Variants in TNFRSF14 observed in about 807,000 individuals in gnomAD.
TNFRSF14 encodes the protein tumor necrosis factor receptor superfamily member 14.
In TNFRSF14, 18 loss-of-function variants were observed where a neutral mutation model predicts 34.1. The ratio of observed to expected loss-of-function variants is 0.53; its 90% CI spans 0.36 to 0.78. TNFRSF14 has a LOEUF of 0.78. Among genes scored for constraint, TNFRSF14 ranks in the 30% least tolerant of loss-of-function variants. The pLI is 0.00. For missense variants in TNFRSF14, 352 were observed against 379.5 expected, an observed-to-expected ratio of 0.93 and a Z score of 0.60; for synonymous variants, 157 against 153.2, an observed-to-expected ratio of 1.02 and a Z score of -0.18.
upstream of TNFRSF14, chr1:2,554,759 C>T (rs1190949273): frequency 6.6e-6 from 1 of 152,264 alleles, no homozygotes; most frequent in African/African-American, 2.4e-5. The surrounding 1 kb of genome is among the most constrained non-coding windows in gnomAD (Gnocchi z 4.2). Flanking sequence ...GCCTCAGTTT[C>T]CCTCCTCCCC....
upstream of TNFRSF14, chr1:2,556,369 T>G: frequency 3.1e-6 from 2 of 654,452 alleles, no homozygotes; most frequent in Non-Finnish European, 2.8e-6. Context: ...GGCGCCTCCT[T>G]CATACCGGCC....
Position 2,561,837 on chromosome 1 carries a change from C to G in TNFRSF14, c.694+22C>G, listed in dbSNP as rs373158656. Reference sequence around the variant, plus strand: ...AGGGGTGAGCACACGGCGGCCCCATCAGGGCTCATGTCCCCAGCCGTCACC... The same window carrying G: ...AGGGGTGAGCACACGGCGGCCCCATGAGGGCTCATGTCCCCAGCCGTCACC... On this transcript the variant is annotated intron_variant, in intron 6 of 7. Transcript: ENST00000355716. The surrounding 1 kb of genome is among the most constrained non-coding windows in gnomAD (Gnocchi z 6.0). 2.5e-6 allele frequency: 4 copies of G among 1,609,048 alleles called. No homozygotes were observed. Among genetic ancestry groups the G allele is most frequent in the Non-Finnish European group, 2.5e-6 (3 of 1,177,390 alleles).
intron 6 of TNFRSF14, 178 bp from the exon 7 acceptor site, chr1:2,562,686 GC>G (rs1644328021): frequency 2.5e-6 from 2 of 815,168 alleles, no homozygotes; most frequent in Non-Finnish European, 4.2e-6. Context: ...GACAGGCTGG[GC>G]TAGCAGTCCC....
Position 2,556,874 on chromosome 1 carries a change from CG to C in TNFRSF14, c.69+144del. The C allele has an allele frequency of 6.0e-6, 5 of 827,952 alleles. No individual in the cohort carries two copies. The South Asian group carries it at 9.2e-5, about 15-fold the overall frequency. The allele number at this position is 827,952 out of a possible 1,614,324, so 51.3% of individuals were successfully genotyped here. A position where few individuals can be genotyped will look rare whatever the true frequency, so the allele number is the denominator to read the frequency against. On this transcript the variant is annotated intron_variant, in intron 1 of 7. Coordinates refer to ENST00000355716, the MANE Select transcript of TNFRSF14 (RefSeq NM_003820.4). ...CCCGTCCCCTGCTGCCTGGGGCTCT[CG>C]GGTCAACCCAGACCCCCAGCACTGG... is the stretch of plus-strand genomic sequence containing the variant.
intron 3 of TNFRSF14, chr1:2,559,540 G>A (rs942186646): frequency 2.1e-5 from 31 of 1,510,896 alleles, no homozygotes; most frequent in Admixed American, 4.0e-5. Context: ...CAAGCTCGGC[G>A]TCCTGCCCAT....
At chr1:2,557,905 A>G (rs1644242799) in intron 2 of TNFRSF14, 71 bp downstream of exon 2, 4 of 1,291,852 alleles carry the variant, frequency 3.1e-6, no homozygotes, top group Non-Finnish European at 4.3e-6. Flanking sequence ...TCTGCCCCAG[A>G]CACCCCTGTG....
Position 2,561,847 on chromosome 1 carries a change from G to A in TNFRSF14, c.694+32G>A, listed in dbSNP as rs1286105598. The A allele has an allele frequency of 1.2e-6, 2 of 1,600,342 alleles. No homozygotes were observed. The highest frequency in any genetic ancestry group is 2.7e-5 in the African/African-American group (2 of 74,616). On this transcript the variant is annotated intron_variant, in intron 6 of 7. Coordinates refer to ENST00000355716, the MANE Select transcript of TNFRSF14 (RefSeq NM_003820.4). The surrounding 1 kb of genome is among the most constrained non-coding windows in gnomAD (Gnocchi z 6.0). ...ACACGGCGGCCCCATCAGGGCTCAT[G>A]TCCCCAGCCGTCACCTCTTGGAGCT...
intron 1 of TNFRSF14, 62 bp from the exon 2 acceptor site, chr1:2,557,652 GGCTGTGGGGCCA>G: frequency 8.5e-7 from 1 of 1,183,170 alleles, no homozygotes; most frequent in South Asian, 1.5e-5. Context: ...GGGAGATTCA[GGCTGTGGGGCCA>G]AGCCTGGCAG....
At chr1:2,560,547 A>G (rs1644292583) in intron 4 of TNFRSF14, 77 bp from the exon 5 acceptor site, 2 of 1,114,212 alleles carry the variant, frequency 1.8e-6, no homozygotes, top group African/African-American at 1.6e-5. Flanking sequence ...AGAAGCTCAC[A>G]GACAAGCAGT....
chr1:2,562,661 G>A (rs746417208), intron 6 of TNFRSF14: 220 of 703,322 alleles, frequency 3.1e-4, no homozygotes, highest in Non-Finnish European at 5.1e-4. Flanking sequence ...TATCACCCAT[G>A]CTGGGCCTCC....
intron 3 of TNFRSF14, chr1:2,559,072 T>C (rs1406342300): frequency 7.3e-7 from 1 of 1,369,064 alleles, no homozygotes; most frequent in Non-Finnish European, 9.6e-7. Context: ...CAGTGCTCCC[T>C]GCGGCCAGGC....
At position 2,556,978 on chromosome 1, in the gene TNFRSF14, A is replaced by C; in HGVS notation, c.69+245A>C. On this transcript the variant is annotated intron_variant, in intron 1 of 7. Coordinates refer to ENST00000355716, the MANE Select transcript of TNFRSF14 (RefSeq NM_003820.4). ...CTCCTGCGTGTGTCCCCCACTCACC[A>C]CTCCGTCCACGGGCAGCTGGTGAGC... The C allele has an allele frequency of 6.7e-6, 3 of 448,788 alleles. No homozygotes were observed. In the South Asian group the frequency reaches 1.5e-4, roughly 23 times the overall value. 27.8% of individuals were successfully genotyped at this position (448,788 alleles called of 1,614,324 possible). A position where few individuals can be genotyped will look rare whatever the true frequency, so the allele number is the denominator to read the frequency against.
intron 7 of TNFRSF14, 40 bp from the exon 8 acceptor site, chr1:2,563,108 G>T (rs771604809): frequency 7.5e-6 from 12 of 1,609,500 alleles, no homozygotes; most frequent in South Asian, 2.2e-5. Flanking sequence ...TCCCAGGGGG[G>T]CCTGAGCAGG....
At chr1:2,557,272 C>A (rs981598320) in intron 1 of TNFRSF14, among the ~76,000 whole-genome samples, 23 of 152,256 alleles carry the variant, frequency 1.5e-4, no homozygotes, top group Non-Finnish European at 4.4e-5. Flanking sequence ...ACGGCAGAGC[C>A]ACCCTCCCCG....
intron 1 of TNFRSF14, chr1:2,556,969 C>A: frequency 2.1e-6 from 1 of 482,976 alleles, no homozygotes; most frequent in East Asian, 3.1e-5. Context: ...CGTGTGTCCC[C>A]CACTCACCAC....
At chr1:2,556,847 A>G (rs890040878) in intron 1 of TNFRSF14, 114 bp downstream of exon 1, 91 of 1,127,774 alleles carry the variant, frequency 8.1e-5, no homozygotes, top group Non-Finnish European at 1.1e-4. Context: ...TCCGGCGTCC[A>G]GCCCGTCCCC....
chr1:2,562,850 G>A lies in TNFRSF14; in HGVS notation c.695-15G>A, dbSNP rs1402161767. ...GACACTGCCCCTCCCTGACCTGTGT[G>A]TCTGTGTATTGCAGGTGATGTAGTC... On this transcript the variant is annotated splice_polypyrimidine_tract_variant and intron_variant, in intron 6 of 7. Coordinates refer to ENST00000355716, the MANE Select transcript of TNFRSF14 (RefSeq NM_003820.4). 2.5e-6 allele frequency: 4 copies of A among 1,613,994 alleles called. No individual in the cohort carries two copies. In the Admixed American group the frequency reaches 5.0e-5, roughly 20 times the overall value.
At chr1:2,560,776 C>A in intron 5 of TNFRSF14, 62 bp downstream of exon 5, 1 of 1,491,994 alleles carries the variant, frequency 6.7e-7, no homozygotes, top group Non-Finnish European at 9.3e-7. Context: ...CGTTGCTTCC[C>A]TGGGAGATGA....
chr1:2,557,832 CAG>C lies in TNFRSF14; in HGVS notation c.177_178del (p.Gly60LeufsTer16). On this transcript the variant is annotated frameshift_variant and splice_region_variant, in exon 2 of 8. Coordinates refer to ENST00000355716, the MANE Select transcript of TNFRSF14 (RefSeq NM_003820.4). LOFTEE classifies it high-confidence loss of function. ...TCCGAGTGCTGCCCCAAGTGCAGTC[CAG>C]GTAGGTGCAGCCCTTTGGCGGGCCA... 1 of 1,604,764 alleles carries C rather than the reference CAG, an allele frequency of 6.2e-7. No individual in the cohort carries two copies. Among genetic ancestry groups the C allele is most frequent in the Non-Finnish European group, 8.5e-7 (1 of 1,174,680 alleles).
Sources: allele counts gnomAD v4.1 joint callset (sites outside exome capture counted in the v4.1 genomes callset), GRCh38; gene constraint gnomAD v4.1.1; non-coding constraint Gnocchi (gnomAD v3.1); transcripts MANE v1.5; gene names NCBI Gene and HGNC (gene_info 2026-07-23, HGNC 2026-07-21).